The following APOBEC3D variants were observed in gnomAD, a reference collection of about 807,000 sequenced individuals.
APOBEC3D encodes the protein DNA dC->dU-editing enzyme APOBEC-3D.
In APOBEC3D, 37 loss-of-function variants were observed where a neutral mutation model predicts 45.6. The ratio of observed to expected loss-of-function variants is 0.81; its 90% CI spans 0.62 to 1.07. The LOEUF (loss-of-function observed/expected upper bound fraction) is 1.07. Among genes scored for constraint, APOBEC3D ranks in the 50% least tolerant of loss-of-function variants. APOBEC3D has a pLI of 0.00. For synonymous variants in APOBEC3D, 175 were observed against 180.7 expected (o/e 0.97, Z 0.25); for missense variants, 496 against 495.3 (o/e 1.00, Z -0.01).
At chr22:39,021,598 G>A in intron 1 of APOBEC3D, 62 bp downstream of exon 1, 1 of 1,611,368 alleles carries the variant, frequency 6.2e-7, no homozygotes, top group African/African-American at 1.3e-5. Flanking sequence ...GGTCCTGCTG[G>A]GCCTCAGCCC....
chr22:39,032,686 T>C lies in APOBEC3D; in HGVS notation c.*370T>C. The C allele has an allele frequency of 2.4e-6, 2 of 823,672 alleles. No homozygotes were observed. Among genetic ancestry groups the C allele is most frequent in the Non-Finnish European group, 2.9e-6 (2 of 681,012 alleles). The allele number at this position is 823,672 out of a possible 1,614,324, so 51.0% of individuals were successfully genotyped here. A position where few individuals can be genotyped will look rare whatever the true frequency, so the allele number is the denominator to read the frequency against. Reference sequence around the variant, plus strand: ...TCAGCTCACTGCAAACTCTGCTTACTGGGTTCAAGTGATTCTCCTGTCTCA... The same window carrying C: ...TCAGCTCACTGCAAACTCTGCTTACCGGGTTCAAGTGATTCTCCTGTCTCA... On this transcript the variant is annotated 3_prime_UTR_variant, in exon 7 of 7. Transcript: ENST00000216099.
Position 39,032,251 on chromosome 22 carries a change from C to G in APOBEC3D, c.1096C>G (p.Pro366Ala). The G allele has an allele frequency of 1.2e-6, 2 of 1,614,138 alleles. No individual in the cohort carries two copies. Among genetic ancestry groups the G allele is most frequent in the East Asian group, 2.2e-5 (1 of 44,890 alleles). ...GTACAGTGATGATGAGCCATTCAAG[C>G]CTTGGAAGGGACTACAAACCAACTT... is the stretch of plus-strand genomic sequence containing the variant. ...FVYSDDEPFKPWKGLQTNFRL... is the reference protein window; with the variant it reads ...FVYSDDEPFKAWKGLQTNFRL... The change falls in exon 7 of 7, where the codon CCT (proline) becomes GCT (alanine). Residue 366 changes from proline to alanine, a missense_variant. Transcript: ENST00000216099.
chr22:39,026,434 T>A (rs1251454937), intron 4 of APOBEC3D, among the ~76,000 whole-genome samples: 1 of 152,258 alleles, frequency 6.6e-6, no homozygotes, highest in East Asian at 1.9e-4. Context: ...AATACAGTTA[T>A]CCTGTGAGGA....
Position 39,025,108 on chromosome 22 carries a change from C to T in APOBEC3D, c.249C>T (p.Phe83=). The change falls in exon 3 of 7, where the codon TTC becomes TTT. Residue 83 remains phenylalanine, a synonymous_variant. Coordinates refer to ENST00000216099, the MANE Select transcript of APOBEC3D (RefSeq NM_152426.4). ...TTGAGAACCACGCAGAAATGTGCTT[C>T]TTATCTTGGTTCTGTGGCAACCGAC... is the stretch of plus-strand genomic sequence containing the variant. ...FRFENHAEMC[F]LSWFCGNRLP... is the part of the protein sequence containing the mutation. 6.2e-7 allele frequency: 1 copy of T among 1,604,034 alleles called. No individual in the cohort carries two copies.
chr22:39,025,452 G>C, intron 3 of APOBEC3D, 103 bp downstream of exon 3: 2 of 1,613,778 alleles, frequency 1.2e-6, no homozygotes, highest in African/African-American at 1.3e-5. Context: ...CAGCCTGCAG[G>C]GGTGGGGCTG....
rs1925078888 is a variant in APOBEC3D at position 39,021,307 on chromosome 22, C to T, written c.-213C>T. On this transcript the variant is annotated 5_prime_UTR_variant, in exon 1 of 7. Transcript: ENST00000216099. ...ATTTTTAGTAGAGACGGGGTTTCTC[C>T]ATGTTGGTCAGGCTGGTCTCGAACT... 1 of 543,912 alleles carries T rather than the reference C, an allele frequency of 1.8e-6. No individual in the cohort carries two copies. Among genetic ancestry groups the T allele is most frequent in the Non-Finnish European group, 3.4e-6 (1 of 294,780 alleles). The allele number at this position is 543,912 out of a possible 1,614,324, so 33.7% of individuals were successfully genotyped here. A position where few individuals can be genotyped will look rare whatever the true frequency, so the allele number is the denominator to read the frequency against.
At chr22:39,024,293 C>T (rs542941933) in intron 2 of APOBEC3D, among the ~76,000 whole-genome samples, 178 of 152,326 alleles carry the variant, frequency 1.2e-3, no homozygotes, top group African/African-American at 4.1e-3. Flanking sequence ...CCAGTGCCCC[C>T]CAATATGGGA....
intron 2 of APOBEC3D, among the ~76,000 whole-genome samples, chr22:39,023,284 T>C (rs1925308714): frequency 6.6e-6 from 1 of 151,488 alleles, no homozygotes; most frequent in Non-Finnish European, 1.5e-5. Flanking sequence ...CCCGGCTAAT[T>C]TTTGTATTTT....
chr22:39,029,584 A>AG, intron 5 of APOBEC3D, 65 bp downstream of exon 5: 1 of 1,584,328 alleles, frequency 6.3e-7, no homozygotes, highest in South Asian at 1.1e-5. Flanking sequence ...AGAAAACACA[A>AG]TACGTGACGT....
intron 5 of APOBEC3D, among the ~76,000 whole-genome samples, chr22:39,029,858 C>T (rs1340755690): frequency 1.3e-5 from 2 of 152,220 alleles, no homozygotes; most frequent in Non-Finnish European, 2.9e-5. Flanking sequence ...CGATCCGCCC[C>T]GCTTGGCCTC....
chr22:39,024,198 T>G (rs756420103), intron 2 of APOBEC3D, among the ~76,000 whole-genome samples: 3 of 152,252 alleles, frequency 2.0e-5, no homozygotes, highest in Non-Finnish European at 4.4e-5. Flanking sequence ...TTCTTTTTCT[T>G]CTCACACTGA....
chr22:39,025,046 C>G, intron 2 of APOBEC3D, 24 bp from the exon 3 acceptor site: 1 of 1,218,022 alleles, frequency 8.2e-7, no homozygotes, highest in Non-Finnish European at 1.1e-6. Flanking sequence ...CCCAGAGCTT[C>G]CCCTGCCCCT....
intron 4 of APOBEC3D, among the ~76,000 whole-genome samples, chr22:39,027,069 G>A (rs929499754): frequency 6.6e-6 from 1 of 152,154 alleles, no homozygotes; most frequent in African/African-American, 2.4e-5. Flanking sequence ...GACCAGAGAG[G>A]CCCTAGAAAG....
At chr22:39,024,990 G>GGC in intron 2 of APOBEC3D, 80 bp from the exon 3 acceptor site, 1 of 841,454 alleles carries the variant, frequency 1.2e-6, no homozygotes, top group East Asian at 3.2e-5. Context: ...TCCTGTCCTG[G>GGC]CCCCTCCTCC....
intron 4 of APOBEC3D, among the ~76,000 whole-genome samples, chr22:39,028,460 C>G (rs1415500060): frequency 6.6e-6 from 1 of 152,240 alleles, no homozygotes; most frequent in African/African-American, 2.4e-5. Context: ...ATGGCCCCTG[C>G]AGGCCTCAGG....
chr22:39,025,508 G>A (rs762174544), intron 3 of APOBEC3D, 49 bp from the exon 4 acceptor site: 1 of 1,613,986 alleles, frequency 6.2e-7, no homozygotes, highest in Non-Finnish European at 8.5e-7. Context: ...TGGGAGGGCA[G>A]GCCCAGGGTC....
At chr22:39,023,785 C>T (rs1465184011) in intron 2 of APOBEC3D, among the ~76,000 whole-genome samples, 1 of 152,004 alleles carries the variant, frequency 6.6e-6, no homozygotes, top group Non-Finnish European at 1.5e-5. Flanking sequence ...TGGCCCAGAC[C>T]TTCCTGCTTG....
At chr22:39,030,654 C>T (rs1328964697) in intron 5 of APOBEC3D, among the ~76,000 whole-genome samples, 1 of 151,886 alleles carries the variant, frequency 6.6e-6, no homozygotes, top group Non-Finnish European at 1.5e-5. Context: ...GCTCAGTAGC[C>T]CCTTTGGCCA....
intron 5 of APOBEC3D, among the ~76,000 whole-genome samples, chr22:39,030,128 G>A (rs1338260818): frequency 6.7e-6 from 1 of 150,314 alleles, no homozygotes; most frequent in Non-Finnish European, 1.5e-5. Flanking sequence ...GTCCAGCACT[G>A]TGCCTGGGCC....
Sources: gnomAD v4.1 joint callset for allele counts (sites outside exome capture counted in the v4.1 genomes callset) on GRCh38, gnomAD v4.1.1 for gene constraint, MANE v1.5 for transcripts, NCBI Gene and HGNC (gene_info 2026-07-23, HGNC 2026-07-21) for gene names.